The following ARFGAP3 variants were observed in gnomAD, a reference collection of about 807,000 sequenced individuals.
ARFGAP3 encodes the protein ADP-ribosylation factor GTPase-activating protein 3.
A neutral mutation model predicts 75.0 loss-of-function variants in ARFGAP3; 72 were observed. The observed-to-expected ratio is 0.96, with a 90% confidence interval of 0.79 to 1.17. The LOEUF (loss-of-function observed/expected upper bound fraction) is 1.17, where lower values mean the gene tolerates loss of function less well. ARFGAP3 is among the 50% of genes most tolerant of loss of function. The pLI, the probability that ARFGAP3 is intolerant of heterozygous loss-of-function variation, is 0.00. For missense variants in ARFGAP3, 620 were observed against 626.6 expected (o/e 0.99, Z 0.11); for synonymous variants, 221 against 217.9 (o/e 1.01, Z -0.13).
Position 42,797,596 on chromosome 22 carries a change from C to T in ARFGAP3, c.1543G>A (p.Gly515Ser), listed in dbSNP as rs777488838. 1.1e-5 allele frequency: 18 copies of T among 1,614,066 alleles called. No homozygotes were observed. Among genetic ancestry groups the T allele is most frequent in the East Asian group, 2.2e-5 (1 of 44,888 alleles). The change falls in exon 16 of 16, where the codon GGT (glycine) becomes AGT (serine). Residue 515 changes from glycine (G) to serine (S), a missense_variant. Transcript: ENST00000263245. ...GVVTSIQDRY[G>S]S ...ACATCATGACTTCAGTATTAAGAAC[C>T]GTAGCGATCCTGAAGAGAGAACCAA...
At chr22:42,821,963 T>C (rs1238521666) in intron 9 of ARFGAP3, among the ~76,000 whole-genome samples, 1 of 152,164 alleles carries the variant, frequency 6.6e-6, no homozygotes, top group Non-Finnish European at 1.5e-5. Flanking sequence ...GGCCTTGATT[T>C]GCATTTCCCC....
chr22:42,820,398 AAAC>A (rs1257856389), intron 9 of ARFGAP3, among the ~76,000 whole-genome samples: 7 of 152,178 alleles, frequency 4.6e-5, no homozygotes, highest in African/African-American at 1.7e-4. Context: ...TGACAAGGAG[AAAC>A]AACTATCAAC....
intron 10 of ARFGAP3, 68 bp from the exon 11 acceptor site, chr22:42,817,332 G>A (rs1925622770): frequency 1.3e-6 from 2 of 1,518,096 alleles, no homozygotes; most frequent in Non-Finnish European, 1.8e-6. Flanking sequence ...AATAAACAAA[G>A]CTTTAATTTA....
intron 3 of ARFGAP3, among the ~76,000 whole-genome samples, chr22:42,837,675 C>T (rs201106026): frequency 8.2e-4 from 62 of 75,654 alleles, no homozygotes; most frequent in Middle Eastern, 0.015. Flanking sequence ...AGGCATACTT[C>T]TTTTTTTTTT....
chr22:42,834,464 C>G lies in ARFGAP3; in HGVS notation c.394-139G>C, dbSNP rs904297756. ...TCTTATAAAATCAGTAACATCCCTA[C>G]AGAGGACCTCTGCGTGCACTTTAGT... On this transcript the variant is annotated intron_variant, in intron 4 of 15. Transcript: ENST00000263245. 3.5e-6 allele frequency: 5 copies of G among 1,435,760 alleles called. No individual in the cohort carries two copies. In the Admixed American group the frequency reaches 1.2e-4, roughly 34 times the overall value. The allele number at this position is 1,435,760 out of a possible 1,614,324, so 88.9% of individuals were successfully genotyped here.
chr22:42,839,620 GT>G (rs1602123855), intron 3 of ARFGAP3, among the ~76,000 whole-genome samples: 2 of 151,004 alleles, frequency 1.3e-5, no homozygotes, highest in East Asian at 3.9e-4. Context: ...AAAAGAATGG[GT>G]TTTTTAATTT....
In ARFGAP3 at chr22:42,833,170, C is replaced by T. The variant is rs566207146; in HGVS notation, c.477+1072G>A. Among the ~76,000 whole-genome samples, 3 of 152,326 alleles carry T rather than the reference C, an allele frequency of 2.0e-5. No homozygotes were observed. In the East Asian group the frequency reaches 5.8e-4, roughly 29 times the overall value. On this transcript the variant is annotated intron_variant, in intron 5 of 15. Transcript: ENST00000263245. ...AAGATAGTGATATTTAGAGCACTTA[C>T]TGAAGGCTTACTTTGTGCCAGGTAC... is the stretch of plus-strand genomic sequence containing the variant.
Position 42,857,178 on chromosome 22 carries a change from C to T in ARFGAP3, c.5G>A (p.Gly2Glu), listed in dbSNP as rs1343877702. ...CAAGATGTCCTGCTTGCTGGGGTCCCCCATCGTCAGCTGTGAGCCGCGGCG... is the reference window on the plus strand; with the variant it reads ...CAAGATGTCCTGCTTGCTGGGGTCCTCCATCGTCAGCTGTGAGCCGCGGCG... M[G>E]DPSKQDILTI... Residue 2 changes from glycine (G) to glutamate (E), a missense_variant, in exon 1 of 16, where the codon GGG (glycine) becomes GAG (glutamate). By Grantham distance (98) the Gly-to-Glu change is moderately conservative. Coordinates refer to ENST00000263245, the MANE Select transcript of ARFGAP3 (RefSeq NM_014570.5). 1 of 1,513,814 alleles carries T rather than the reference C, an allele frequency of 6.6e-7. No homozygotes were observed. The highest frequency in any genetic ancestry group is 8.9e-7 in the Non-Finnish European group (1 of 1,128,440). 93.8% of individuals were successfully genotyped at this position (1,513,814 alleles called of 1,614,324 possible).
chr22:42,833,026 G>A (rs147699993), intron 5 of ARFGAP3, among the ~76,000 whole-genome samples: 17 of 151,996 alleles, frequency 1.1e-4, no homozygotes, highest in Non-Finnish European at 2.5e-4. Flanking sequence ...AAAAGAAAGG[G>A]CCAAATAGTA....
chr22:42,830,828 T>C (rs137949100), intron 6 of ARFGAP3, among the ~76,000 whole-genome samples: 58 of 152,358 alleles, frequency 3.8e-4, no homozygotes, highest in Middle Eastern at 3.4e-3. Context: ...TTCAACACTA[T>C]ATCAAGTGAG....
rs1204581070 is a variant in ARFGAP3 at position 42,817,589 on chromosome 22, A to C, written c.941+140T>G. On this transcript the variant is annotated intron_variant, in intron 10 of 15. Transcript: ENST00000263245. ...TTTTTCATGTTATACTGAATACCAG[A>C]GCAAAGCAAAAATAATTAGAGAAGT... 7.2e-6 allele frequency: 6 copies of C among 838,906 alleles called. No homozygotes were observed. In the African/African-American group the frequency reaches 1.0e-4, roughly 14 times the overall value. 52.0% of individuals were successfully genotyped at this position (838,906 alleles called of 1,614,324 possible). A position where few individuals can be genotyped will look rare whatever the true frequency, so the allele number is the denominator to read the frequency against.
chr22:42,800,850 A>C (rs1041323097), intron 14 of ARFGAP3, among the ~76,000 whole-genome samples: 1 of 152,196 alleles, frequency 6.6e-6, no homozygotes, highest in East Asian at 1.9e-4. Context: ...AGGTTACACA[A>C]TGAGCTCCAG....
chr22:42,832,111 T>C (rs1171098796), intron 5 of ARFGAP3, among the ~76,000 whole-genome samples: 1 of 150,960 alleles, frequency 6.6e-6, no homozygotes, highest in Non-Finnish European at 1.5e-5. Context: ...TAACCATTTT[T>C]GGTAACTATT....
chr22:42,835,628 T>C (rs1038251208), intron 3 of ARFGAP3, 135 bp from the exon 4 acceptor site: 44 of 909,402 alleles, frequency 4.8e-5, no homozygotes, highest in Admixed American at 2.1e-4. Flanking sequence ...AGTACCATCC[T>C]GGCTAACACG....
chr22:42,849,558 G>C (rs74881757), intron 1 of ARFGAP3, among the ~76,000 whole-genome samples: 5 of 110,234 alleles, frequency 4.5e-5, no homozygotes, highest in Non-Finnish European at 5.2e-5. Context: ...GCTGCTTTAT[G>C]GCTTTTTTTT....
At chr22:42,809,745 T>A (rs1443753639) in intron 12 of ARFGAP3, among the ~76,000 whole-genome samples, 1 of 152,130 alleles carries the variant, frequency 6.6e-6, no homozygotes, top group African/African-American at 2.4e-5. Flanking sequence ...GGCTCACGCC[T>A]GTAATCCCAG....
At chr22:42,799,228 G>C (rs1924747137) in intron 14 of ARFGAP3, 68 bp from the exon 15 acceptor site, 2 of 1,591,734 alleles carry the variant, frequency 1.3e-6, no homozygotes, top group African/African-American at 1.3e-5. Flanking sequence ...CCAGTACCCA[G>C]AGTGCTCAAC....
intron 14 of ARFGAP3, among the ~76,000 whole-genome samples, chr22:42,800,531 A>G (rs940538274): frequency 1.3e-5 from 2 of 152,224 alleles, no homozygotes; most frequent in South Asian, 2.1e-4. Flanking sequence ...ACCCCATCTC[A>G]AAAACAAAAA....
chr22:42,831,649 G>A lies in ARFGAP3; in HGVS notation c.478-13C>T, dbSNP rs1339836318. ...CTGTGTCACTCACCTGAAACAAGGCGAGAAAAGTCATTAGCAGACAAAGCA... is the reference window on the plus strand; with the variant it reads ...CTGTGTCACTCACCTGAAACAAGGCAAGAAAAGTCATTAGCAGACAAAGCA... On this transcript the variant is annotated splice_polypyrimidine_tract_variant and intron_variant, in intron 5 of 15. Coordinates refer to ENST00000263245, the MANE Select transcript of ARFGAP3 (RefSeq NM_014570.5). The A allele has an allele frequency of 3.7e-6, 6 of 1,613,598 alleles. No homozygotes were observed. Among genetic ancestry groups the A allele is most frequent in the South Asian group, 1.1e-5 (1 of 91,012 alleles).
Sources: gnomAD v4.1 joint callset for allele counts (sites outside exome capture counted in the v4.1 genomes callset) on GRCh38, gnomAD v4.1.1 for gene constraint, MANE v1.5 for transcripts, NCBI Gene and HGNC (gene_info 2026-07-23, HGNC 2026-07-21) for gene names.